Variants in RABEP1 observed in about 807,000 individuals in gnomAD.
RABEP1 encodes rab GTPase-binding effector protein 1.
In RABEP1, 51 loss-of-function variants were observed where a neutral mutation model predicts 123.4. That is an observed-to-expected ratio of 0.41 (90% CI 0.33 to 0.52). The LOEUF (loss-of-function observed/expected upper bound fraction) is 0.52. RABEP1 is among the 20% of genes least tolerant of loss of function. The probability of loss-of-function intolerance (pLI) is 0.16; values close to 1 mark genes in which losing one functional copy is unlikely to be tolerated. For synonymous variants in RABEP1, 347 were observed against 355.2 expected, an observed-to-expected ratio of 0.98 and a Z score of 0.26; for missense variants, 888 against 996.3, an observed-to-expected ratio of 0.89 and a Z score of 1.46.
intron 1 of RABEP1, among the ~76,000 whole-genome samples, chr17:5,290,549 T>C (rs1048307319): frequency 6.6e-6 from 1 of 152,114 alleles, no homozygotes; most frequent in Non-Finnish European, 1.5e-5. Flanking sequence ...TCTTTACAAT[T>C]AAGATAAATT....
At chr17:5,367,505 G>A (rs1386663828) in intron 11 of RABEP1, among the ~76,000 whole-genome samples, 1 of 151,440 alleles carries the variant, frequency 6.6e-6, no homozygotes, top group Non-Finnish European at 1.5e-5. Flanking sequence ...TCCTGACTTT[G>A]TGATCCATCC....
intron 5 of RABEP1, among the ~76,000 whole-genome samples, chr17:5,340,782 A>G (rs770624432): frequency 3.9e-5 from 6 of 152,064 alleles, no homozygotes; most frequent in Middle Eastern, 3.4e-3. Context: ...CCCCATCTCT[A>G]CTAAAAATGC....
At chr17:5,290,370 G>A (rs1174879842) in intron 1 of RABEP1, among the ~76,000 whole-genome samples, 4 of 152,294 alleles carry the variant, frequency 2.6e-5, no homozygotes, top group South Asian at 2.1e-4. Context: ...TTACAGGCGT[G>A]AGCCACCGCG....
At chr17:5,381,710 T>A in intron 17 of RABEP1, 1 of 743,596 alleles carries the variant, frequency 1.3e-6, no homozygotes, top group Non-Finnish European at 1.9e-6. Context: ...TCTGTATGCC[T>A]TGCCAATTTT....
Position 5,381,392 on chromosome 17 carries a change from A to G in RABEP1, c.2374A>G (p.Thr792Ala). ...QLKKETAAKATVEQLMFEEKN... is the reference protein window; with the variant it reads ...QLKKETAAKAAVEQLMFEEKN... ...ATTCAAAACTTGTATTTTTTAGGCT[A>G]CCGTTGAACAACTAATGTTTGAAGA... The change falls in exon 17 of 18, where the codon ACC becomes GCC. Residue 792 changes from threonine (T) to alanine (A), a missense_variant. Thr to Ala is a moderately conservative substitution (Grantham distance 58, BLOSUM62 0). Transcript: ENST00000537505. 1 of 1,608,182 alleles carries G rather than the reference A, an allele frequency of 6.2e-7. No homozygotes were observed. The highest frequency in any genetic ancestry group is 8.5e-7 in the Non-Finnish European group (1 of 1,178,420).
At chr17:5,308,566 G>A (rs1667581673) in intron 1 of RABEP1, 128 bp from the exon 2 acceptor site, 2 of 874,146 alleles carry the variant, frequency 2.3e-6, no homozygotes, top group Non-Finnish European at 3.4e-6. Context: ...CTAGCATATG[G>A]TGGATTTTTG....
intron 17 of RABEP1, among the ~76,000 whole-genome samples, chr17:5,382,407 G>A (rs1597305180): frequency 6.6e-6 from 1 of 151,666 alleles, no homozygotes; most frequent in East Asian, 2.0e-4. Flanking sequence ...TTCAGGATTG[G>A]GAGTCAGGTC....
chr17:5,372,749 G>A (rs1043911603), intron 12 of RABEP1, among the ~76,000 whole-genome samples: 12 of 146,040 alleles, frequency 8.2e-5, no homozygotes, highest in African/African-American at 3.0e-4. Context: ...GATATGGAGG[G>A]AAAATATTAA....
chr17:5,332,188 A>G (rs751018291), intron 3 of RABEP1, 36 bp downstream of exon 3: 4 of 1,557,258 alleles, frequency 2.6e-6, no homozygotes, highest in Non-Finnish European at 3.5e-6. Context: ...GTGATTTTCT[A>G]AGATATCCGA....
At chr17:5,323,201 A>G (rs181717648) in intron 2 of RABEP1, among the ~76,000 whole-genome samples, 14 of 152,348 alleles carry the variant, frequency 9.2e-5, no homozygotes, top group Admixed American at 8.5e-4. Flanking sequence ...TCGAAGGAAC[A>G]TACCTCAAAA....
intron 7 of RABEP1, 68 bp downstream of exon 7, chr17:5,350,697 C>T: frequency 6.5e-7 from 1 of 1,527,582 alleles, no homozygotes; most frequent in Non-Finnish European, 9.0e-7. Context: ...GATTGCATTA[C>T]CTTATGTGTA....
Position 5,314,558 on chromosome 17 carries a change from A to G in RABEP1, c.163+5736A>G, listed in dbSNP as rs1439162689. 2.4e-3 allele frequency among the ~76,000 whole-genome samples: 261 copies of G among 110,254 alleles called. No individual in the cohort carries two copies. In the Middle Eastern group the frequency reaches 0.044, roughly 19 times the overall value. 72.3% of individuals were successfully genotyped at this position (110,254 alleles called of 152,430 possible). On this transcript the variant is annotated intron_variant, in intron 2 of 17. Transcript: ENST00000537505. ...TTTTGAGATGGAGTCTTGCTCTGTCACCCAGGCTGGAGTGCAGTGGCACGA... is the reference window on the plus strand; with the variant it reads ...TTTTGAGATGGAGTCTTGCTCTGTCGCCCAGGCTGGAGTGCAGTGGCACGA...
At position 5,384,024 on chromosome 17, in the gene RABEP1, G is replaced by GT. The variant is rs1401714666; in HGVS notation, c.*805dup. 1 of 218,554 alleles carries GT rather than the reference G, an allele frequency of 4.6e-6. No homozygotes were observed. The highest frequency in any genetic ancestry group is 2.2e-5 in the African/African-American group (1 of 44,514). 13.5% of individuals were successfully genotyped at this position (218,554 alleles called of 1,614,324 possible). A position where few individuals can be genotyped will look rare whatever the true frequency, so the allele number is the denominator to read the frequency against. ...CTGGTACCATCTACTCTTTTGAAGTGTTTTAGTCTAGTTATTGGATCAGTG... is the reference window on the plus strand; with the variant it reads ...CTGGTACCATCTACTCTTTTGAAGTGTTTTTAGTCTAGTTATTGGATCAGTG... On this transcript the variant is annotated 3_prime_UTR_variant, in exon 18 of 18. Coordinates refer to ENST00000537505, the MANE Select transcript of RABEP1 (RefSeq NM_004703.6).
chr17:5,322,024 C>T (rs1905415600), intron 2 of RABEP1, among the ~76,000 whole-genome samples: 1 of 152,194 alleles, frequency 6.6e-6, no homozygotes, highest in Non-Finnish European at 1.5e-5. Context: ...CATGGTGAAA[C>T]CCCATCTCTA....
At chr17:5,316,832 C>CAAAAAAAAAAAAAAAAAAAAAAAA (rs55890740) in intron 2 of RABEP1, among the ~76,000 whole-genome samples, 1 of 67,176 alleles carries the variant, frequency 1.5e-5, no homozygotes, top group African/African-American at 5.9e-5. Context: ...GACTCTGTCT[C>CAAAAAAAAAAAAAAAAAAAAAAAA]AAAAAAAAAA....
chr17:5,294,633 C>CTTGTTT (rs2075063715), intron 1 of RABEP1, among the ~76,000 whole-genome samples: 1 of 53,024 alleles, frequency 1.9e-5, no homozygotes, highest in Non-Finnish European at 3.4e-5. Flanking sequence ...ACGGTATTGT[C>CTTGTTT]TTTTTTTTTT....
chr17:5,364,978 A>T, intron 10 of RABEP1, 144 bp from the exon 11 acceptor site: 1 of 583,412 alleles, frequency 1.7e-6, no homozygotes, highest in Non-Finnish European at 3.0e-6. Flanking sequence ...TCATTTATCT[A>T]ATTTCTGTCT....
rs868055108 is a variant in RABEP1 at position 5,340,500 on chromosome 17, A to G, written c.648+2362A>G. Among the ~76,000 whole-genome samples the G allele has an allele frequency of 2.1e-4, 32 of 152,316 alleles. No individual in the cohort carries two copies. The Middle Eastern group carries it at 0.014, about 65-fold the overall frequency. On this transcript the variant is annotated intron_variant, in intron 5 of 17. Coordinates refer to ENST00000537505, the MANE Select transcript of RABEP1 (RefSeq NM_004703.6). Reference sequence around the variant, plus strand: ...GATACATTATCTTAGAATTGAGGTTACACAGACCCAATTCTGTAACTATGG... The same window carrying G: ...GATACATTATCTTAGAATTGAGGTTGCACAGACCCAATTCTGTAACTATGG...
chr17:5,314,098 G>C (rs1440878732), intron 2 of RABEP1, among the ~76,000 whole-genome samples: 3 of 152,182 alleles, frequency 2.0e-5, no homozygotes. Flanking sequence ...TTCCCCAATA[G>C]GTCCAGCTTT....
Sources: gnomAD v4.1 joint callset for allele counts (sites outside exome capture counted in the v4.1 genomes callset) on GRCh38, gnomAD v4.1.1 for gene constraint, MANE v1.5 for transcripts, NCBI Gene and HGNC (gene_info 2026-07-23, HGNC 2026-07-21) for gene names.